NTAQ1: variants seen among roughly 807,000 people sequenced by gnomAD.
NTAQ1 encodes the protein protein N-terminal glutamine amidohydrolase.
Under a neutral mutation model 28.2 loss-of-function variants are expected in NTAQ1, and 21 were observed. The observed-to-expected ratio is 0.74, with a 90% CI of 0.53 to 1.07. The LOEUF (loss-of-function observed/expected upper bound fraction) is 1.07. Among genes scored for constraint, NTAQ1 ranks in the 50% least tolerant of loss-of-function variants. The pLI, the probability that NTAQ1 is intolerant of heterozygous loss-of-function variation, is 0.00. For synonymous variants in NTAQ1, 105 were observed against 90.0 expected, an observed-to-expected ratio of 1.17 and a Z score of -0.94; for missense variants, 264 against 256.6, an observed-to-expected ratio of 1.03 and a Z score of -0.20.
At chr8:123,452,566 C>A (rs1225536706), downstream of NTAQ1, among the ~76,000 whole-genome samples, 2 of 151,428 alleles carry the variant, frequency 1.3e-5, no homozygotes, top group Non-Finnish European at 2.9e-5. Flanking sequence ...CATTGCACTC[C>A]AGCCTGGGTG....
chr8:123,432,178 C>A (rs1380027716), intron 3 of NTAQ1, among the ~76,000 whole-genome samples: 3 of 152,122 alleles, frequency 2.0e-5, no homozygotes, highest in Non-Finnish European at 2.9e-5. Context: ...AATCCTGAAC[C>A]CCTTTCTAGA....
intron 3 of NTAQ1, among the ~76,000 whole-genome samples, chr8:123,433,344 A>C (rs1402488640): frequency 6.6e-6 from 1 of 152,198 alleles, no homozygotes; most frequent in Non-Finnish European, 1.5e-5. Flanking sequence ...AGCTGTCCCC[A>C]TCAGGCAAGA....
At chr8:123,473,298 CTTTTTT>C (rs112065412), downstream of NTAQ1, among the ~76,000 whole-genome samples, 1 of 140,116 alleles carries the variant, frequency 7.1e-6, no homozygotes, top group African/African-American at 2.6e-5. Context: ...TCTTGAAATT[CTTTTTT>C]TTTTTTTTTG....
intron 6 of NTAQ1, among the ~76,000 whole-genome samples, chr8:123,455,481 AG>A (rs1388762954): frequency 1.4e-5 from 2 of 138,996 alleles, no homozygotes; most frequent in East Asian, 4.2e-4. Context: ...GCTGGAGTGC[AG>A]TGGTGCAATC....
At chr8:123,463,937 G>C (rs1815899296) in intron 6 of NTAQ1, among the ~76,000 whole-genome samples, 1 of 152,144 alleles carries the variant, frequency 6.6e-6, no homozygotes, top group Non-Finnish European at 1.5e-5. Flanking sequence ...TGTCTTTCCT[G>C]TGCTGTTCTC....
chr8:123,464,100 G>C (rs1815904896), intron 6 of NTAQ1, among the ~76,000 whole-genome samples: 1 of 152,214 alleles, frequency 6.6e-6, no homozygotes, highest in African/African-American at 2.4e-5. Flanking sequence ...GTGGAACTGT[G>C]AATCCATTAA....
At chr8:123,448,482 G>A (rs56750011), downstream of NTAQ1, among the ~76,000 whole-genome samples, 4,207 of 152,240 alleles carry the variant, frequency 0.028, 184 homozygotes, top group African/African-American at 0.094. Flanking sequence ...GTATGGTGGC[G>A]CATGCCTGTA....
intron 1 of NTAQ1, among the ~76,000 whole-genome samples, chr8:123,418,842 C>T (rs4871368): frequency 0.66 from 100,062 of 151,764 alleles, 33,679 homozygotes; most frequent in East Asian, 0.93. Context: ...ATGATAATTC[C>T]TTGCTATGGA....
chr8:123,469,052 G>A (rs149786310), exon 7 of NTAQ1, among the ~76,000 whole-genome samples: 61 of 152,154 alleles, frequency 4.0e-4, no homozygotes, highest in Non-Finnish European at 7.9e-4. Flanking sequence ...TACTTTGCCC[G>A]TTTTTTAATT....
intron 1 of NTAQ1, among the ~76,000 whole-genome samples, chr8:123,426,139 A>T (rs1814040027): frequency 6.6e-6 from 1 of 152,218 alleles, no homozygotes. Flanking sequence ...AGAAAAAGAT[A>T]GGAACCCAAC....
intron 1 of NTAQ1, among the ~76,000 whole-genome samples, chr8:123,419,557 C>T (rs1330607508): frequency 6.6e-6 from 1 of 152,174 alleles, no homozygotes; most frequent in Non-Finnish European, 1.5e-5. Flanking sequence ...CAGAGCATTT[C>T]TGATTCTGAC....
chr8:123,420,279 G>A (rs563563270), intron 1 of NTAQ1, among the ~76,000 whole-genome samples: 203 of 152,274 alleles, frequency 1.3e-3, no homozygotes, highest in Non-Finnish European at 2.5e-3. Context: ...GTATTCCATG[G>A]TGGATGATAT....
intron 5 of NTAQ1, chr8:123,438,136 A>G (rs1814837152): frequency 1.4e-6 from 1 of 701,616 alleles, no homozygotes; most frequent in South Asian, 1.5e-5. Flanking sequence ...GCTTTTAGGC[A>G]TCAATCCAGT....
At chr8:123,455,770 G>A (rs975824346) in intron 6 of NTAQ1, among the ~76,000 whole-genome samples, 43 of 151,960 alleles carry the variant, frequency 2.8e-4, no homozygotes, top group African/African-American at 1.0e-3. Context: ...TTCCCCACCC[G>A]GAAGTCTACT....
intron 5 of NTAQ1, among the ~76,000 whole-genome samples, chr8:123,441,058 A>C (rs981854189): frequency 1.1e-4 from 16 of 151,972 alleles, no homozygotes; most frequent in African/African-American, 3.9e-4. Flanking sequence ...CCCTCTGCTG[A>C]TCTTTGGAGC....
At chr8:123,451,365 G>A (rs1368855833), downstream of NTAQ1, among the ~76,000 whole-genome samples, 1 of 152,060 alleles carries the variant, frequency 6.6e-6, no homozygotes, top group Non-Finnish European at 1.5e-5. Context: ...TTAAGATGGA[G>A]TCTCACTCGG....
chr8:123,454,593 C>T (rs576974085), intron 6 of NTAQ1, among the ~76,000 whole-genome samples: 14 of 152,252 alleles, frequency 9.2e-5, no homozygotes, highest in South Asian at 4.2e-4. Flanking sequence ...TGGTCTCAAA[C>T]GCCTGACCTC....
rs746495735 is a variant in NTAQ1, at chr8:123,441,289, T to A, written c.509-17T>A. On this transcript the variant is annotated splice_polypyrimidine_tract_variant and intron_variant, in intron 5 of 5. Transcript: ENST00000287387. ...TTGTGTTTTCAGTGGACATTTTTTT[T>A]TCATATATTTTTTTAGATTCCAAAA... The A allele has an allele frequency of 1.1e-5, 17 of 1,582,870 alleles. 1 individual carries two copies. The highest frequency in any genetic ancestry group is 5.8e-5 in the South Asian group (5 of 85,894).
At chr8:123,446,163 G>T (rs6470150), downstream of NTAQ1, among the ~76,000 whole-genome samples, 107,842 of 151,384 alleles carry the variant, frequency 0.71, 38,702 homozygotes, top group East Asian at 0.93. Context: ...GGCTAATTTT[G>T]TGTGTGTGTG....
Sources: allele counts gnomAD v4.1 joint callset (sites outside exome capture counted in the v4.1 genomes callset), GRCh38; gene constraint gnomAD v4.1.1; transcripts MANE v1.5; gene names NCBI Gene and HGNC (gene_info 2026-07-23, HGNC 2026-07-21).